The following ARHGAP10 variants were observed in gnomAD, a reference collection of about 807,000 sequenced individuals.
The protein encoded by ARHGAP10 is rho GTPase-activating protein 10.
A neutral mutation model predicts 108.6 loss-of-function variants in ARHGAP10; 87 were observed. The observed-to-expected ratio is 0.80, with a 90% CI of 0.67 to 0.96. The LOEUF is 0.96. Among genes scored for constraint, ARHGAP10 ranks in the 40% least tolerant of loss-of-function variants. The pLI, the probability that ARHGAP10 is intolerant of heterozygous loss-of-function variation, is 0.00. For missense variants in ARHGAP10, 939 were observed against 954.5 expected, an observed-to-expected ratio of 0.98 and a Z score of 0.21; for synonymous variants, 347 against 341.1, an observed-to-expected ratio of 1.02 and a Z score of -0.19.
chr4:147,746,144 G>A (rs1261948077), intron 1 of ARHGAP10, among the ~76,000 whole-genome samples: 3 of 151,120 alleles, frequency 2.0e-5, no homozygotes, highest in African/African-American at 7.3e-5. Context: ...TCACTCTGTC[G>A]CCAGGCTGGA....
intron 17 of ARHGAP10, among the ~76,000 whole-genome samples, chr4:147,965,962 T>C (rs142512149): frequency 0.017 from 2,656 of 152,356 alleles, 35 homozygotes; most frequent in South Asian, 0.04. Context: ...AAAAATGTTA[T>C]GCAAAGGCTT....
intron 19 of ARHGAP10, among the ~76,000 whole-genome samples, chr4:148,030,748 C>A (rs1038327403): frequency 6.6e-6 from 1 of 152,022 alleles, no homozygotes; most frequent in Non-Finnish European, 1.5e-5. Flanking sequence ...GTTGGCTTTT[C>A]TTAGTTCTGG....
At position 147,864,893 on chromosome 4, in the gene ARHGAP10, T is replaced by C; in HGVS notation, c.534T>C (p.Ser178=). ...EQNRQHFYEL[S]LEYVCKLQEI... is the part of the protein sequence containing the mutation. ...ACCGGCAACACTTCTATGAACTGTC[T>C]CTCGAGTATGTGTGTAAGCTGCAGG... Residue 178 remains serine, a synonymous_variant, in exon 6 of 23, where the codon TCT becomes TCC. Transcript: ENST00000336498. 6.2e-7 allele frequency: 1 copy of C among 1,614,104 alleles called. No homozygotes were observed. Among genetic ancestry groups the C allele is most frequent in the Non-Finnish European group, 8.5e-7 (1 of 1,179,976 alleles).
chr4:147,829,465 A>C (rs977699728), intron 3 of ARHGAP10, among the ~76,000 whole-genome samples: 1 of 152,150 alleles, frequency 6.6e-6, no homozygotes, highest in Non-Finnish European at 1.5e-5. Flanking sequence ...CTGGGATTAC[A>C]GATGTGAGCC....
At chr4:148,066,679 G>A (rs1729892580) in intron 22 of ARHGAP10, among the ~76,000 whole-genome samples, 1 of 152,244 alleles carries the variant, frequency 6.6e-6, no homozygotes, top group South Asian at 2.1e-4. Context: ...TCTGAACTCT[G>A]CAGGTATTTT....
chr4:147,895,188 T>A (rs1211785278), intron 10 of ARHGAP10, among the ~76,000 whole-genome samples: 2 of 152,158 alleles, frequency 1.3e-5, no homozygotes, highest in African/African-American at 4.8e-5. Flanking sequence ...TAAATTTTCC[T>A]AAATATTTTA....
At chr4:147,810,527 G>A (rs541191097) in intron 1 of ARHGAP10, among the ~76,000 whole-genome samples, 231 of 152,322 alleles carry the variant, frequency 1.5e-3, no homozygotes, top group Middle Eastern at 3.4e-3. Flanking sequence ...CCATCTGAAC[G>A]TTTACATCTC....
intron 11 of ARHGAP10, among the ~76,000 whole-genome samples, chr4:147,908,649 G>C (rs1050817153): frequency 2.6e-5 from 4 of 152,204 alleles, no homozygotes; most frequent in Non-Finnish European, 4.4e-5. Context: ...TATTTCTGCT[G>C]TACTTACTTA....
At chr4:147,963,932 G>C (rs181431522) in intron 16 of ARHGAP10, among the ~76,000 whole-genome samples, 1 of 152,266 alleles carries the variant, frequency 6.6e-6, no homozygotes, top group Admixed American at 6.5e-5. Context: ...AGTCATATTG[G>C]ATGAAGAAGC....
intron 1 of ARHGAP10, among the ~76,000 whole-genome samples, chr4:147,812,754 G>T (rs1732082954): frequency 1.3e-5 from 2 of 152,156 alleles, no homozygotes; most frequent in South Asian, 4.1e-4. Context: ...TGATGGTTTA[G>T]ACTGAGAACT....
chr4:148,006,382 A>G (rs1740954188), intron 18 of ARHGAP10, among the ~76,000 whole-genome samples: 1 of 152,218 alleles, frequency 6.6e-6, no homozygotes, highest in Non-Finnish European at 1.5e-5. Flanking sequence ...AATGGTGGGA[A>G]CGTCAAATAT....
intron 18 of ARHGAP10, among the ~76,000 whole-genome samples, chr4:148,014,543 G>A (rs991665291): frequency 2.0e-5 from 3 of 152,180 alleles, no homozygotes; most frequent in Admixed American, 2.0e-4. Flanking sequence ...TTTCTTTAAT[G>A]CCATTTGGTT....
chr4:147,996,902 G>C (rs893034085), intron 18 of ARHGAP10, among the ~76,000 whole-genome samples: 1 of 152,172 alleles, frequency 6.6e-6, no homozygotes, highest in African/African-American at 2.4e-5. Context: ...AGGGAGGGAG[G>C]CCTCAGGAGA....
rs57572532 is a variant in ARHGAP10, at chr4:147,766,799, CATATATATATATATATAT to C, written c.154+34367_154+34384del. Among the ~76,000 whole-genome samples the C allele has an allele frequency of 3.3e-3, 421 of 126,446 alleles. 5 individuals are homozygous for C. The highest frequency in any genetic ancestry group is 0.015 in the African/African-American group (398 of 27,338). The allele number at this position is 126,446 out of a possible 152,430, so 83.0% of individuals were successfully genotyped here. A position where few individuals can be genotyped will look rare whatever the true frequency, so the allele number is the denominator to read the frequency against. On this transcript the variant is annotated intron_variant, in intron 1 of 22. Coordinates refer to ENST00000336498, the MANE Select transcript of ARHGAP10 (RefSeq NM_024605.4). ...TCATATATATTCATACATATATTCA[CATATATATATATATATAT>C]ATATATATATATATATATATATTTA...
At chr4:147,825,668 A>G (rs750487294) in intron 3 of ARHGAP10, among the ~76,000 whole-genome samples, 2 of 152,218 alleles carry the variant, frequency 1.3e-5, no homozygotes, top group African/African-American at 2.4e-5. Context: ...AGGAAAGACT[A>G]AATAAGATGG....
At chr4:147,764,400 A>G (rs764736073) in intron 1 of ARHGAP10, among the ~76,000 whole-genome samples, 10 of 151,966 alleles carry the variant, frequency 6.6e-5, no homozygotes, top group Admixed American at 2.0e-4. Context: ...ACCTAACACT[A>G]TAGGAAGTGC....
intron 10 of ARHGAP10, 119 bp downstream of exon 10, chr4:147,882,051 T>C: frequency 1.1e-6 from 1 of 906,294 alleles, no homozygotes. Context: ...TCTTGCTATA[T>C]TTCCAGGCTG....
chr4:148,027,038 A>T (rs968108828), intron 19 of ARHGAP10, among the ~76,000 whole-genome samples: 4 of 152,208 alleles, frequency 2.6e-5, no homozygotes, highest in Non-Finnish European at 5.9e-5. Flanking sequence ...ATACAAGGAA[A>T]GTTCAGGAGG....
chr4:147,849,773 A>G lies in ARHGAP10; in HGVS notation c.384+2551A>G, dbSNP rs72724342. On this transcript the variant is annotated intron_variant, in intron 4 of 22. Coordinates refer to ENST00000336498, the MANE Select transcript of ARHGAP10 (RefSeq NM_024605.4). ...GTAAATTGGATTTTGAAAAGCCCCC[A>G]GGTATTGTCTACTGTTTTGCTTATA... 5.4e-3 allele frequency among the ~76,000 whole-genome samples: 820 copies of G among 152,306 alleles called. 5 individuals are homozygous for G. Among genetic ancestry groups the G allele is most frequent in the Non-Finnish European group, 8.5e-3 (575 of 68,032 alleles).
Sources: allele counts gnomAD v4.1 joint callset (sites outside exome capture counted in the v4.1 genomes callset), GRCh38; gene constraint gnomAD v4.1.1; transcripts MANE v1.5; gene names NCBI Gene and HGNC (gene_info 2026-07-23, HGNC 2026-07-21).